The following ELL variants were observed in gnomAD, a reference collection of about 807,000 sequenced individuals.
The protein encoded by ELL is RNA polymerase II elongation factor ELL.
In ELL, 18 loss-of-function variants were observed where a neutral mutation model predicts 64.0. The ratio of observed to expected loss-of-function variants is 0.28; its 90% CI spans 0.19 to 0.42. The LOEUF is 0.42. Among genes scored for constraint, ELL ranks in the 10% least tolerant of loss-of-function variants. The pLI is 1.00. For synonymous variants in ELL, 399 were observed against 376.2 expected, an observed-to-expected ratio of 1.06 and a Z score of -0.70; for missense variants, 797 against 870.4, an observed-to-expected ratio of 0.92 and a Z score of 1.06.
Position 18,446,297 on chromosome 19 carries a change from G to A in ELL, c.1704+12C>T. 1.3e-6 allele frequency: 2 copies of A among 1,561,704 alleles called. No individual in the cohort carries two copies. Among genetic ancestry groups the A allele is most frequent in the Non-Finnish European group, 1.7e-6 (2 of 1,156,866 alleles). On this transcript the variant is annotated intron_variant, in intron 10 of 11. Transcript: ENST00000262809. ...CAGAGCCAGGGCACAGTAGGCAGCGGGGGGGCTCTACCTCATACTCCTCGG... is the reference window on the plus strand; with the variant it reads ...CAGAGCCAGGGCACAGTAGGCAGCGAGGGGGCTCTACCTCATACTCCTCGG...
chr19:18,445,549 G>A (rs1974394695), intron 10 of ELL: 1 of 293,284 alleles, frequency 3.4e-6, no homozygotes, highest in Non-Finnish European at 6.7e-6. Context: ...GGGGGGTGGG[G>A]AGGGGGTGGG....
intron 1 of ELL, among the ~76,000 whole-genome samples, chr19:18,486,413 G>C (rs1055047636): frequency 3.3e-5 from 5 of 152,204 alleles, no homozygotes; most frequent in Non-Finnish European, 7.3e-5. Context: ...AGTGTCCACT[G>C]TGGATGTGAC....
At chr19:18,505,677 C>T (rs1057407682) in intron 1 of ELL, among the ~76,000 whole-genome samples, 1 of 152,172 alleles carries the variant, frequency 6.6e-6, no homozygotes, top group African/African-American at 2.4e-5. Context: ...ACCAGGCACA[C>T]ACAGGGGAGG....
Position 18,504,370 on chromosome 19 carries a change from T to G in ELL, c.135+17551A>C, listed in dbSNP as rs560022447. Among the ~76,000 whole-genome samples the G allele has an allele frequency of 1.8e-3, 277 of 152,330 alleles. 1 individual carries two copies. The highest frequency in any genetic ancestry group is 3.1e-3 in the Non-Finnish European group (214 of 68,026). ...CAAGTCACATCCTGATTGAAATCCA[T>G]GACGCGTGGCTTGCTTTGCTAAATT... On this transcript the variant is annotated intron_variant, in intron 1 of 11. Coordinates refer to ENST00000262809, the MANE Select transcript of ELL (RefSeq NM_006532.4).
At chr19:18,494,456 C>T (rs776730218) in intron 1 of ELL, among the ~76,000 whole-genome samples, 4 of 151,714 alleles carry the variant, frequency 2.6e-5, no homozygotes, top group Non-Finnish European at 5.9e-5. Context: ...TGCAGTGGCG[C>T]GATCTCTGCT....
At chr19:18,468,101 ACACACAAC>A (rs1024953138) in intron 2 of ELL, among the ~76,000 whole-genome samples, 4 of 146,794 alleles carry the variant, frequency 2.7e-5, no homozygotes, top group African/African-American at 7.6e-5. Flanking sequence ...ACAAACCCCT[ACACACAAC>A]CACACAAACA....
chr19:18,444,295 A>G lies in ELL; in HGVS notation c.*457T>C, dbSNP rs1600415008. 1.7e-5 allele frequency: 4 copies of G among 237,510 alleles called. No individual in the cohort carries two copies. The East Asian group carries it at 2.4e-4, about 14-fold the overall frequency. The allele number at this position is 237,510 out of a possible 1,614,324, so 14.7% of individuals were successfully genotyped here. ...CTCTGTAATACTGCAGGCAGGACCC[A>G]GGGCAGCGGCTAGACCCTGGGTGTC... On this transcript the variant is annotated 3_prime_UTR_variant, in exon 12 of 12. Transcript: ENST00000262809.
chr19:18,453,711 C>G (rs1282600201), intron 6 of ELL, among the ~76,000 whole-genome samples: 1 of 152,102 alleles, frequency 6.6e-6, no homozygotes, highest in Non-Finnish European at 1.5e-5. Context: ...GAGCACAACA[C>G]CATGCCTGGC....
chr19:18,510,238 C>T (rs1037174523), intron 1 of ELL, among the ~76,000 whole-genome samples: 4 of 152,200 alleles, frequency 2.6e-5, no homozygotes, highest in African/African-American at 9.7e-5. Flanking sequence ...GGCATTGTGG[C>T]GCAAGCCTGT....
chr19:18,481,881 C>A (rs1037370462), intron 1 of ELL, among the ~76,000 whole-genome samples: 2 of 152,218 alleles, frequency 1.3e-5, no homozygotes, highest in Non-Finnish European at 2.9e-5. Context: ...AGGAGCCCGA[C>A]TGCTGGGTTA....
chr19:18,472,476 C>G (rs940244217), intron 2 of ELL: 2 of 278,146 alleles, frequency 7.2e-6, no homozygotes, highest in Admixed American at 4.9e-5. Flanking sequence ...CTCAGGTGGT[C>G]GTGCTCACTC....
At chr19:18,480,904 G>GA (rs1975285965) in intron 1 of ELL, among the ~76,000 whole-genome samples, 1 of 152,204 alleles carries the variant, frequency 6.6e-6, no homozygotes, top group Non-Finnish European at 1.5e-5. Context: ...AAAGTGCCAG[G>GA]ATTACAGGTG....
intron 1 of ELL, among the ~76,000 whole-genome samples, chr19:18,507,860 C>G (rs1231337590): frequency 2.0e-5 from 3 of 152,200 alleles, no homozygotes; most frequent in African/African-American, 7.2e-5. Context: ...CACTACCCAT[C>G]TGGAGGCAGA....
chr19:18,513,279 G>A (rs569203391), intron 1 of ELL, among the ~76,000 whole-genome samples: 1 of 152,312 alleles, frequency 6.6e-6, no homozygotes, highest in Admixed American at 6.5e-5. Flanking sequence ...ACGGGACAGT[G>A]GACTGGCCTG....
At chr19:18,502,893 G>A (rs780506868) in intron 1 of ELL, among the ~76,000 whole-genome samples, 15 of 152,210 alleles carry the variant, frequency 9.9e-5, no homozygotes, top group Non-Finnish European at 1.8e-4. Flanking sequence ...CTGGCCGGGT[G>A]TGCCAATGCC....
intron 2 of ELL, among the ~76,000 whole-genome samples, chr19:18,470,175 AC>A (rs1286799911): frequency 6.6e-6 from 1 of 152,196 alleles, no homozygotes; most frequent in African/African-American, 2.4e-5. Flanking sequence ...CTGTGTAGCC[AC>A]CCCAGGTCTC....
At chr19:18,445,154 CCGG>C in intron 11 of ELL, 67 bp downstream of exon 11, 1 of 1,597,938 alleles carries the variant, frequency 6.3e-7, no homozygotes, top group South Asian at 1.1e-5. Flanking sequence ...GGAGGCTGCC[CCGG>C]GCCCACCCTC....
intron 6 of ELL, among the ~76,000 whole-genome samples, chr19:18,455,649 C>G (rs947103238): frequency 1.2e-4 from 18 of 151,790 alleles, no homozygotes; most frequent in Admixed American, 9.9e-4. Context: ...AGTTCAAGAC[C>G]AGTCTGGAGA....
intron 1 of ELL, among the ~76,000 whole-genome samples, chr19:18,516,702 C>T (rs1976139532): frequency 6.6e-6 from 1 of 152,096 alleles, no homozygotes; most frequent in Non-Finnish European, 1.5e-5. Flanking sequence ...ACTAAGGGCT[C>T]AGAGCACAAG....
Sources: gnomAD v4.1 joint callset for allele counts (sites outside exome capture counted in the v4.1 genomes callset) on GRCh38, gnomAD v4.1.1 for gene constraint, MANE v1.5 for transcripts, NCBI Gene and HGNC (gene_info 2026-07-23, HGNC 2026-07-21) for gene names.